LPAR1: variants seen among roughly 807,000 people sequenced by gnomAD.
LPAR1 encodes the protein lysophosphatidic acid receptor 1.
Under a neutral mutation model 23.8 loss-of-function variants are expected in LPAR1, and 5 were observed. The ratio of observed to expected loss-of-function variants is 0.21; its 90% CI spans 0.11 to 0.44. The LOEUF (loss-of-function observed/expected upper bound fraction) is 0.44. Ranked by LOEUF, LPAR1 falls within the 20% of genes least tolerant of loss-of-function variation. The probability of loss-of-function intolerance (pLI) is 0.99; values close to 1 mark genes in which losing one functional copy is unlikely to be tolerated. For missense variants in LPAR1, 311 were observed against 482.8 expected, an observed-to-expected ratio of 0.64 and a Z score of 3.33; for synonymous variants, 160 against 164.7, an observed-to-expected ratio of 0.97 and a Z score of 0.22.
At position 110,918,412 on chromosome 9, in the gene LPAR1, G is replaced by T. The variant is rs73655676; in HGVS notation, c.793+23009C>A. 5.6e-3 allele frequency among the ~76,000 whole-genome samples: 856 copies of T among 152,134 alleles called. 6 individuals are homozygous for T. The highest frequency in any genetic ancestry group is 0.019 in the African/African-American group (794 of 41,492). On this transcript the variant is annotated intron_variant, in intron 5 of 5. Transcript: ENST00000683809. ...AACAGTGAGATTGAAACAATCTAAGGTCTCTCACCCACAGGCCATTCTGCA... is the reference window on the plus strand; with the variant it reads ...AACAGTGAGATTGAAACAATCTAAGTTCTCTCACCCACAGGCCATTCTGCA...
intron 5 of LPAR1, among the ~76,000 whole-genome samples, chr9:110,909,639 C>A (rs978928955): frequency 2.6e-5 from 4 of 152,106 alleles, no homozygotes; most frequent in Non-Finnish European, 4.4e-5. Context: ...TCTTGGTAAT[C>A]CTCACAATAT....
chr9:110,993,846 A>G (rs762030905), intron 2 of LPAR1, among the ~76,000 whole-genome samples: 20 of 152,188 alleles, frequency 1.3e-4, no homozygotes, highest in Non-Finnish European at 1.8e-4. Flanking sequence ...ACTTAAAAGA[A>G]TTATGCAGAC....
At chr9:110,898,937 T>C (rs2087564840) in intron 5 of LPAR1, among the ~76,000 whole-genome samples, 1 of 152,244 alleles carries the variant, frequency 6.6e-6, no homozygotes, top group Admixed American at 6.5e-5. Flanking sequence ...TAATTCCTTG[T>C]AGTTGTAACC....
intron 5 of LPAR1, 47 bp from the exon 6 acceptor site, chr9:110,875,769 GA>G (rs2078952739): frequency 9.3e-7 from 1 of 1,074,574 alleles, no homozygotes; most frequent in Non-Finnish European, 1.3e-6. Flanking sequence ...AAAAGAGAAT[GA>G]AAAAATATTA....
chr9:110,925,877 T>C (rs1029268561), intron 5 of LPAR1, among the ~76,000 whole-genome samples: 2 of 152,204 alleles, frequency 1.3e-5, no homozygotes, highest in African/African-American at 4.8e-5. Flanking sequence ...TCAAATATAC[T>C]GCTCTAGGTC....
In LPAR1 at chr9:110,902,074, G is replaced by A. The variant is rs73655665; in HGVS notation, c.794-26352C>T. On this transcript the variant is annotated intron_variant, in intron 5 of 5. Transcript: ENST00000683809. ...AATGGTTAGAGACCCTACAACCAGA[G>A]GAATGTCACAGTGACAGTGTCTTAC... Among the ~76,000 whole-genome samples, 1,462 of 152,070 alleles carry A rather than the reference G, an allele frequency of 9.6e-3. 18 individuals are homozygous for A. The highest frequency in any genetic ancestry group is 0.032 in the African/African-American group (1,317 of 41,494).
intron 2 of LPAR1, among the ~76,000 whole-genome samples, chr9:111,008,423 A>T (rs1214189195): frequency 6.6e-6 from 1 of 152,172 alleles, no homozygotes; most frequent in Non-Finnish European, 1.5e-5. Flanking sequence ...TAATCAAGAA[A>T]TCAACTCGGA....
intron 2 of LPAR1, among the ~76,000 whole-genome samples, chr9:110,985,983 C>T (rs2096773142): frequency 6.6e-6 from 1 of 151,952 alleles, no homozygotes; most frequent in African/African-American, 2.4e-5. Context: ...GGAATGAGAT[C>T]TACATTTTAA....
intron 4 of LPAR1, among the ~76,000 whole-genome samples, chr9:110,965,378 CTGACAAA>C (rs1330038054): frequency 6.6e-6 from 1 of 152,108 alleles, no homozygotes; most frequent in African/African-American, 2.4e-5. Flanking sequence ...ATCTATCCAT[CTGACAAA>C]GGTCTAATAT....
chr9:111,000,115 T>A (rs574086691), intron 2 of LPAR1, among the ~76,000 whole-genome samples: 8 of 152,260 alleles, frequency 5.3e-5, no homozygotes, highest in African/African-American at 1.9e-4. Flanking sequence ...GATTTCAACA[T>A]ATGAATTTCA....
intron 4 of LPAR1, among the ~76,000 whole-genome samples, chr9:110,967,981 G>T (rs2096277367): frequency 6.6e-6 from 1 of 152,102 alleles, no homozygotes; most frequent in Admixed American, 6.6e-5. Context: ...AACCATCAGA[G>T]GCTGCCACTA....
chr9:110,978,567 A>G (rs1300463059), intron 2 of LPAR1, among the ~76,000 whole-genome samples: 1 of 152,200 alleles, frequency 6.6e-6, no homozygotes, highest in Non-Finnish European at 1.5e-5. Context: ...AGAGAGCCCT[A>G]TAGTCTGATA....
chr9:110,936,563 T>C (rs961580603), intron 5 of LPAR1, among the ~76,000 whole-genome samples: 1 of 152,188 alleles, frequency 6.6e-6, no homozygotes, highest in Non-Finnish European at 1.5e-5. Context: ...AACTCCTTGA[T>C]GTAAGAGTAT....
At chr9:110,980,730 T>A (rs1021666034) in intron 2 of LPAR1, among the ~76,000 whole-genome samples, 3 of 151,974 alleles carry the variant, frequency 2.0e-5, no homozygotes, top group Non-Finnish European at 4.4e-5. Flanking sequence ...GAGTGACTTA[T>A]AGCAAACAAC....
At chr9:110,945,818 A>G (rs1214736835) in intron 4 of LPAR1, among the ~76,000 whole-genome samples, 2 of 152,108 alleles carry the variant, frequency 1.3e-5, no homozygotes. Flanking sequence ...AAAGCTAGTA[A>G]TGACTAGTCA....
intron 2 of LPAR1, among the ~76,000 whole-genome samples, chr9:111,025,681 TC>T (rs1279648387): frequency 3.9e-5 from 6 of 152,218 alleles, no homozygotes; most frequent in African/African-American, 1.4e-4. Context: ...TGGTTTTAGT[TC>T]TTACATTTAA....
Position 110,941,478 on chromosome 9 carries a change from G to A in LPAR1, c.736C>T (p.Pro246Ser), listed in dbSNP as rs773202969. The change falls in exon 5 of 6, where the codon CCC becomes TCC. Residue 246 changes from proline to serine, a missense_variant. Pro to Ser is a moderately conservative substitution (Grantham distance 74, BLOSUM62 -1). Transcript: ENST00000683809. The surrounding 1 kb of genome is among the most constrained non-coding windows in gnomAD (Gnocchi z 6.1). ...TMRMSRHSSG[P>S]RRNRDTMMSL... ...ATCATGGTATCCCGATTCCGCCGGG[G>A]TCCAGAACTATGCCGAGACATTCTC... The A allele has an allele frequency of 1.2e-6, 2 of 1,614,056 alleles. No homozygotes were observed. The highest frequency in any genetic ancestry group is 1.7e-5 in the Admixed American group (1 of 60,020).
chr9:110,932,378 C>A (rs910884876), intron 5 of LPAR1, among the ~76,000 whole-genome samples: 1 of 152,148 alleles, frequency 6.6e-6, no homozygotes, highest in Non-Finnish European at 1.5e-5. Context: ...AAGTAAATGA[C>A]GATGAATCCC....
chr9:111,031,375 A>C (rs1389301853), intron 2 of LPAR1, among the ~76,000 whole-genome samples: 1 of 143,808 alleles, frequency 7.0e-6, no homozygotes, highest in Non-Finnish European at 1.5e-5. Flanking sequence ...TGGGTAATGT[A>C]GTGAGAGCCC....
Sources: gnomAD v4.1 joint callset for allele counts (sites outside exome capture counted in the v4.1 genomes callset) on GRCh38, gnomAD v4.1.1 for gene constraint, Gnocchi (gnomAD v3.1) non-coding constraint, MANE v1.5 for transcripts, NCBI Gene and HGNC (gene_info 2026-07-23, HGNC 2026-07-21) for gene names.